Variants in DDR2 observed in about 807,000 individuals in gnomAD.
DDR2 encodes discoidin domain-containing receptor 2.
DDR2 carries 27 observed loss-of-function variants against 94.9 expected under a neutral mutation model. The ratio of observed to expected loss-of-function variants is 0.28; its 90% confidence interval spans 0.21 to 0.39. DDR2 has a LOEUF of 0.39. Ranked by LOEUF, DDR2 falls within the 10% of genes least tolerant of loss-of-function variation. DDR2 has a pLI of 1.00. For missense variants in DDR2, 783 were observed against 1,076.0 expected (o/e 0.73, Z 3.81); for synonymous variants, 382 against 377.2 (o/e 1.01, Z -0.15).
At chr1:162,689,775 A>C (rs1277350412) in intron 2 of DDR2, among the ~76,000 whole-genome samples, 1 of 145,676 alleles carries the variant, frequency 6.9e-6, no homozygotes, top group Non-Finnish European at 1.5e-5. Flanking sequence ...AGGCCAAGGC[A>C]GGCAGATCAC....
chr1:162,652,100 C>G (rs1657721313), intron 1 of DDR2, among the ~76,000 whole-genome samples: 2 of 152,170 alleles, frequency 1.3e-5, no homozygotes, highest in Non-Finnish European at 2.9e-5. Context: ...TGACTCTGCC[C>G]TTGTTGGGGC....
At chr1:162,688,347 G>A (rs1659792782) in intron 2 of DDR2, among the ~76,000 whole-genome samples, 1 of 152,214 alleles carries the variant, frequency 6.6e-6, no homozygotes, top group African/African-American at 2.4e-5. Context: ...TATTTTCTGG[G>A]TAATTCCCAT....
In DDR2 at chr1:162,755,230, C is replaced by T. The variant is rs1329164508; in HGVS notation, c.492C>T (p.Val164=). 9.9e-6 allele frequency: 16 copies of T among 1,614,084 alleles called. No individual in the cohort carries two copies. Among genetic ancestry groups the T allele is most frequent in the Non-Finnish European group, 1.4e-5 (16 of 1,180,010 alleles). ...AGCCGCCCATTGTAGCCAGATTTGT[C>T]CGGTTCATTCCAGTCACCGACCACT... ...DLEPPIVARF[V]RFIPVTDHSM... is the part of the protein sequence containing the mutation. Residue 164 remains valine, a synonymous_variant, in exon 6 of 18, where the codon GTC becomes GTT. Transcript: ENST00000367921.
chr1:162,678,623 A>C (rs772720539), intron 2 of DDR2, among the ~76,000 whole-genome samples: 12 of 152,208 alleles, frequency 7.9e-5, no homozygotes, highest in Non-Finnish European at 1.5e-4. Context: ...CCCAGAATGC[A>C]TTCCTTCCCA....
chr1:162,739,324 T>C (rs888507296), intron 3 of DDR2, among the ~76,000 whole-genome samples: 1 of 151,324 alleles, frequency 6.6e-6, no homozygotes, highest in Non-Finnish European at 1.5e-5. Flanking sequence ...TTCTCGTTTC[T>C]TTTTTTTTGA....
intron 2 of DDR2, among the ~76,000 whole-genome samples, chr1:162,658,829 A>AAATAAATAAATAAATAAATAAATAATT (rs60623253): frequency 7.5e-6 from 1 of 133,622 alleles, no homozygotes; most frequent in Non-Finnish European, 1.6e-5. Context: ...CCTGTCTCAA[A>AAATAAATAAATAAATAAATAAATAATT]AAATAAATAA....
chr1:162,667,542 C>A (rs546555454), intron 2 of DDR2, among the ~76,000 whole-genome samples: 7 of 152,122 alleles, frequency 4.6e-5, no homozygotes, highest in Admixed American at 3.3e-4. Context: ...TAGAAAAGAA[C>A]AAACACACAC....
intron 12 of DDR2, 133 bp from the exon 13 acceptor site, chr1:162,771,879 GCAAAACCATTTT>G: frequency 1.2e-6 from 1 of 824,832 alleles, no homozygotes; most frequent in Non-Finnish European, 2.0e-6. Flanking sequence ...TCTAGAGGAA[GCAAAACCATTTT>G]CCAAGTAAGA....
At chr1:162,707,512 GGTCC>G (rs1660716510) in intron 2 of DDR2, among the ~76,000 whole-genome samples, 2 of 152,140 alleles carry the variant, frequency 1.3e-5, no homozygotes, top group Non-Finnish European at 2.9e-5. Context: ...TATTCATCCA[GGTCC>G]ACTTATACAT....
chr1:162,724,539 T>C (rs1031397391), intron 3 of DDR2, among the ~76,000 whole-genome samples: 4 of 152,174 alleles, frequency 2.6e-5, no homozygotes, highest in African/African-American at 9.7e-5. Context: ...TGTGCCTTTA[T>C]CACCGCTCCC....
intron 12 of DDR2, chr1:162,770,831 G>A (rs1230335773): frequency 3.1e-5 from 12 of 392,948 alleles, no homozygotes; most frequent in South Asian, 1.5e-4. Context: ...TTTACATGTC[G>A]GGAAAGTGAG....
At chr1:162,747,198 TATC>T (rs1662918027) in intron 3 of DDR2, among the ~76,000 whole-genome samples, 1 of 152,048 alleles carries the variant, frequency 6.6e-6, no homozygotes, top group African/African-American at 2.4e-5. Flanking sequence ...GGCTTAAAAA[TATC>T]AGTAATAACA....
intron 3 of DDR2, among the ~76,000 whole-genome samples, chr1:162,736,945 AG>A (rs1267426566): frequency 6.6e-6 from 1 of 152,238 alleles, no homozygotes; most frequent in Non-Finnish European, 1.5e-5. Context: ...CAAGACAGCC[AG>A]GGGATGTCTG....
intron 2 of DDR2, among the ~76,000 whole-genome samples, chr1:162,678,507 G>A (rs1659243160): frequency 6.6e-6 from 1 of 152,186 alleles, no homozygotes; most frequent in African/African-American, 2.4e-5. Flanking sequence ...AGTTAGAGCA[G>A]GGAGGAACCC....
Position 162,719,165 on chromosome 1 carries a change from G to T in DDR2, c.82+20G>T. 6.2e-7 allele frequency: 1 copy of T among 1,613,584 alleles called. No individual in the cohort carries two copies. Among genetic ancestry groups the T allele is most frequent in the South Asian group, 1.1e-5 (1 of 91,072 alleles). ...ATCCAGGTAACATGGCTATTACTCA[G>T]CTATATGCTAGAAGACCAGCAGAAT... On this transcript the variant is annotated intron_variant, in intron 3 of 17. Coordinates refer to ENST00000367921, the MANE Select transcript of DDR2 (RefSeq NM_006182.4).
At chr1:162,672,028 A>T (rs1658874191) in intron 2 of DDR2, among the ~76,000 whole-genome samples, 1 of 152,068 alleles carries the variant, frequency 6.6e-6, no homozygotes, top group African/African-American at 2.4e-5. Flanking sequence ...GTTTTCCCTC[A>T]ACTTTAGTTC....
intron 2 of DDR2, among the ~76,000 whole-genome samples, chr1:162,659,580 G>A (rs951012066): frequency 1.3e-5 from 2 of 152,118 alleles, no homozygotes; most frequent in African/African-American, 2.4e-5. Flanking sequence ...CTGTTGGCTG[G>A]GCTAAGACAT....
intron 1 of DDR2, among the ~76,000 whole-genome samples, chr1:162,652,662 A>T (rs1657762887): frequency 6.6e-6 from 1 of 152,360 alleles, no homozygotes; most frequent in Non-Finnish European, 1.5e-5. Flanking sequence ...TGTGGTAGGA[A>T]CATTTTGTAC....
intron 1 of DDR2, among the ~76,000 whole-genome samples, chr1:162,646,278 C>T (rs1043566200): frequency 1.3e-5 from 2 of 152,164 alleles, no homozygotes; most frequent in African/African-American, 4.8e-5. Context: ...AGACAAACTG[C>T]TTTAAAATTA....
Sources: gnomAD v4.1 joint callset for allele counts (sites outside exome capture counted in the v4.1 genomes callset) on GRCh38, gnomAD v4.1.1 for gene constraint, MANE v1.5 for transcripts, NCBI Gene and HGNC (gene_info 2026-07-23, HGNC 2026-07-21) for gene names.